Variants in APBB1IP observed in about 807,000 individuals in gnomAD.
The protein encoded by APBB1IP is amyloid beta A4 precursor protein-binding family B member 1-interacting protein.
Under a neutral mutation model 64.9 loss-of-function variants are expected in APBB1IP, and 27 were observed. The ratio of observed to expected loss-of-function variants is 0.42; its 90% CI spans 0.31 to 0.57. The LOEUF (loss-of-function observed/expected upper bound fraction) is 0.57, where lower values mean the gene tolerates loss of function less well. Ranked by LOEUF, APBB1IP falls within the 20% of genes least tolerant of loss-of-function variation. The pLI is 0.20. For synonymous variants in APBB1IP, 392 were observed against 331.0 expected (o/e 1.18, Z -2.00); for missense variants, 812 against 845.5 (o/e 0.96, Z 0.49).
chr10:26,528,366 TCTC>T (rs1033787080), intron 8 of APBB1IP, among the ~76,000 whole-genome samples: 3 of 152,120 alleles, frequency 2.0e-5, no homozygotes, highest in African/African-American at 7.2e-5. Flanking sequence ...GCATGCTTGT[TCTC>T]CTCCCTGGAA....
At chr10:26,528,600 G>C (rs1019247456) in intron 8 of APBB1IP, among the ~76,000 whole-genome samples, 1 of 151,952 alleles carries the variant, frequency 6.6e-6, no homozygotes, top group South Asian at 2.1e-4. Flanking sequence ...CACTATGATC[G>C]ATCTGTATTT....
chr10:26,529,755 C>T (rs1396580412), intron 8 of APBB1IP, among the ~76,000 whole-genome samples: 3 of 152,190 alleles, frequency 2.0e-5, no homozygotes, highest in African/African-American at 7.2e-5. Flanking sequence ...ATTCTTCTGC[C>T]TCAGCCTCCC....
At chr10:26,487,125 C>T (rs937687491) in intron 2 of APBB1IP, among the ~76,000 whole-genome samples, 1 of 151,882 alleles carries the variant, frequency 6.6e-6, no homozygotes, top group Non-Finnish European at 1.5e-5. Flanking sequence ...TGCATTGCTT[C>T]ACTGTGATAA....
At chr10:26,517,890 C>T (rs1836352058) in intron 8 of APBB1IP, among the ~76,000 whole-genome samples, 1 of 152,218 alleles carries the variant, frequency 6.6e-6, no homozygotes, top group Admixed American at 6.6e-5. Context: ...AGACATTTCT[C>T]TTGCATATAT....
At chr10:26,535,539 T>C (rs1446371475) in intron 9 of APBB1IP, among the ~76,000 whole-genome samples, 1 of 152,212 alleles carries the variant, frequency 6.6e-6, no homozygotes, top group African/African-American at 2.4e-5. Flanking sequence ...TGCTTTCAAA[T>C]AGTAGGTCTT....
chr10:26,489,130 T>A (rs1835926550), intron 2 of APBB1IP, among the ~76,000 whole-genome samples: 1 of 152,206 alleles, frequency 6.6e-6, no homozygotes, highest in South Asian at 2.1e-4. Flanking sequence ...AATTAATACA[T>A]CACATAGCAA....
At position 26,475,975 on chromosome 10, in the gene APBB1IP, C is replaced by T. The variant is rs374720347; in HGVS notation, c.1-16352C>T. The stretch of plus-strand genomic sequence containing the variant: ...CAGTGCAGTGGTTCATGCCTATAAT[C>T]CCAGCACTTTGGGAGGCCAAGGCCA... On this transcript the variant is annotated intron_variant, in intron 2 of 14. Transcript: ENST00000376236. 8.6e-4 allele frequency among the ~76,000 whole-genome samples: 131 copies of T among 152,310 alleles called. 2 individuals are homozygous for T. The South Asian group carries it at 0.026, about 30-fold the overall frequency.
intron 2 of APBB1IP, among the ~76,000 whole-genome samples, chr10:26,447,118 A>C (rs1026554889): frequency 1.3e-5 from 2 of 152,072 alleles, no homozygotes; most frequent in Non-Finnish European, 2.9e-5. Flanking sequence ...TCATGCCTGT[A>C]ATCCCAGCAC....
intron 2 of APBB1IP, among the ~76,000 whole-genome samples, chr10:26,475,466 G>T (rs1376739235): frequency 6.6e-6 from 1 of 152,094 alleles, no homozygotes; most frequent in Non-Finnish European, 1.5e-5. Flanking sequence ...TGTCAGATGT[G>T]CTGTGTGTGT....
intron 2 of APBB1IP, among the ~76,000 whole-genome samples, chr10:26,461,257 A>C (rs1835588794): frequency 6.6e-6 from 1 of 152,178 alleles, no homozygotes; most frequent in South Asian, 2.1e-4. Flanking sequence ...TTTTGCTTTT[A>C]TGCATAGATT....
At chr10:26,547,451 G>GT (rs1480568717) in intron 11 of APBB1IP, among the ~76,000 whole-genome samples, 72 of 151,696 alleles carry the variant, frequency 4.7e-4, no homozygotes, top group African/African-American at 1.6e-3. Flanking sequence ...GTTTTGTTTT[G>GT]TTTTTTTGAG....
chr10:26,487,209 T>C (rs1390444973), intron 2 of APBB1IP, among the ~76,000 whole-genome samples: 1 of 147,722 alleles, frequency 6.8e-6, no homozygotes, highest in Non-Finnish European at 1.5e-5. Context: ...TTTTTTTTTT[T>C]TCCTCTCTCT....
chr10:26,470,010 G>T (rs775111731), intron 2 of APBB1IP, among the ~76,000 whole-genome samples: 11 of 152,272 alleles, frequency 7.2e-5, no homozygotes, highest in South Asian at 2.1e-4. Context: ...GGGCCAGGTT[G>T]TTCCTCTGGT....
intron 8 of APBB1IP, among the ~76,000 whole-genome samples, chr10:26,531,179 A>C (rs991651875): frequency 1.3e-5 from 2 of 152,058 alleles, no homozygotes; most frequent in South Asian, 4.2e-4. Flanking sequence ...TACTAAAAAT[A>C]CAAAAAGTTA....
At chr10:26,548,859 C>T (rs1836798373) in intron 11 of APBB1IP, among the ~76,000 whole-genome samples, 1 of 152,116 alleles carries the variant, frequency 6.6e-6, no homozygotes, top group Admixed American at 6.6e-5. Context: ...GTTGGTCTCG[C>T]TAAGAGTTCC....
chr10:26,491,083 A>G (rs1835949315), intron 2 of APBB1IP, among the ~76,000 whole-genome samples: 1 of 152,152 alleles, frequency 6.6e-6, no homozygotes, highest in South Asian at 2.1e-4. Context: ...GTTTGAGACC[A>G]GCCTGGCCAA....
Position 26,536,165 on chromosome 10 carries a change from A to G in APBB1IP, c.992A>G (p.Tyr331Cys). ...GGAAAGAAATCCTGGAAAAGGCGCT[A>G]TTTTCTTTTACGGGCTTCTGGAATT... ...EDGKKSWKRR[Y>C]FLLRASGIYY... Residue 331 changes from tyrosine to cysteine, a missense_variant, in exon 10 of 15, where the codon TAT (tyrosine) becomes TGT (cysteine). Tyr to Cys is a radical substitution (Grantham distance 194, BLOSUM62 -2). This residue lies in a region of APBB1IP where 394 missense variants were observed against 413.1 expected (regional missense o/e 0.95). Transcript: ENST00000376236. 6.2e-7 allele frequency: 1 copy of G among 1,601,282 alleles called. No individual in the cohort carries two copies. The highest frequency in any genetic ancestry group is 2.3e-5 in the East Asian group (1 of 44,348).
intron 8 of APBB1IP, among the ~76,000 whole-genome samples, chr10:26,526,634 G>A (rs1273943728): frequency 2.0e-5 from 3 of 152,172 alleles, no homozygotes; most frequent in East Asian, 1.9e-4. Flanking sequence ...CAGGAGAATC[G>A]CTTGAACCCG....
chr10:26,566,844 C>T, intron 14 of APBB1IP, 117 bp from the exon 15 acceptor site: 2 of 1,184,396 alleles, frequency 1.7e-6, no homozygotes, highest in African/African-American at 1.6e-5. Context: ...GTCCAGATCG[C>T]GCCACTGCAC....
Sources: gnomAD v4.1 joint callset for allele counts (sites outside exome capture counted in the v4.1 genomes callset) on GRCh38, gnomAD v4.1.1 for gene constraint, gnomAD v4.1.1 regional missense constraint, MANE v1.5 for transcripts, NCBI Gene and HGNC (gene_info 2026-07-23, HGNC 2026-07-21) for gene names.